Variants in NME8 observed in about 807,000 individuals in gnomAD.
The protein encoded by NME8 is protein NME8.
Under a neutral mutation model 82.3 loss-of-function variants are expected in NME8, and 72 were observed. The observed-to-expected ratio is 0.87, with a 90% CI of 0.72 to 1.06. The LOEUF (loss-of-function observed/expected upper bound fraction) is 1.06. NME8 is among the 50% of genes least tolerant of loss of function. The probability of loss-of-function intolerance (pLI) is 0.00; values close to 1 mark genes in which losing one functional copy is unlikely to be tolerated. For missense variants in NME8, 712 were observed against 685.4 expected (o/e 1.04, Z -0.43); for synonymous variants, 267 against 228.5 (o/e 1.17, Z -1.52).
chr7:37,887,115 T>C (rs1329041919), intron 14 of NME8, among the ~76,000 whole-genome samples: 1 of 152,006 alleles, frequency 6.6e-6, no homozygotes, highest in Non-Finnish European at 1.5e-5. Flanking sequence ...CATAGATAGA[T>C]AGAAAAACAG....
intron 12 of NME8, among the ~76,000 whole-genome samples, chr7:37,877,646 T>C (rs943028566): frequency 1.3e-5 from 2 of 152,222 alleles, no homozygotes; most frequent in African/African-American, 4.8e-5. Flanking sequence ...CATTTCTATG[T>C]AGACCAGGAT....
chr7:37,893,943 A>C lies in NME8; in HGVS notation c.1400-523A>C, dbSNP rs962805833. 5.9e-5 allele frequency among the ~76,000 whole-genome samples: 9 copies of C among 152,254 alleles called. No individual in the cohort carries two copies. The East Asian group carries it at 9.7e-4, about 16-fold the overall frequency. On this transcript the variant is annotated intron_variant, in intron 15 of 17. Coordinates refer to ENST00000199447, the MANE Select transcript of NME8 (RefSeq NM_016616.5). ...ATGTGCTTTTGATCTGGAGCAAAGAAGAGGCCGTTTTACCAGAAAGCTCCC... is the reference window on the plus strand; with the variant it reads ...ATGTGCTTTTGATCTGGAGCAAAGACGAGGCCGTTTTACCAGAAAGCTCCC...
intron 12 of NME8, among the ~76,000 whole-genome samples, chr7:37,882,602 A>AAAGG: frequency 1.1e-5 from 1 of 91,780 alleles, no homozygotes; most frequent in South Asian, 3.4e-4. Flanking sequence ...AAAGAAAGAG[A>AAAGG]GAGAGAGAGA....
intron 15 of NME8, among the ~76,000 whole-genome samples, chr7:37,891,533 C>A (rs1327723447): frequency 2.0e-5 from 3 of 151,724 alleles, no homozygotes; most frequent in Non-Finnish European, 4.4e-5. Flanking sequence ...TGTTATTTTT[C>A]ATTTACTGTT....
intron 6 of NME8, among the ~76,000 whole-genome samples, chr7:37,860,998 C>T (rs552781408): frequency 1.3e-5 from 2 of 152,250 alleles, no homozygotes; most frequent in Non-Finnish European, 2.9e-5. Flanking sequence ...TACCTCTTTC[C>T]ATCCTTTCCA....
intron 8 of NME8, among the ~76,000 whole-genome samples, chr7:37,863,817 A>G (rs1311466056): frequency 2.0e-5 from 3 of 152,174 alleles, no homozygotes; most frequent in African/African-American, 7.2e-5. Flanking sequence ...TTTACTTTGC[A>G]GTTAACAATT....
intron 8 of NME8, 80 bp from the exon 9 acceptor site, chr7:37,864,268 T>C (rs567461763): frequency 1.4e-5 from 21 of 1,483,222 alleles, no homozygotes; most frequent in African/African-American, 2.8e-5. Flanking sequence ...GAAATTTACA[T>C]TGCTAATTGC....
intron 14 of NME8, among the ~76,000 whole-genome samples, chr7:37,886,673 A>G (rs1785045422): frequency 6.6e-6 from 1 of 152,130 alleles, no homozygotes. Context: ...ACAGCATAAC[A>G]GGGGTTGGGA....
chr7:37,882,579 GAAAGAAAGAAAGAAAGAA>G (rs1562838061), intron 12 of NME8, among the ~76,000 whole-genome samples: 37 of 47,362 alleles, frequency 7.8e-4, no homozygotes, highest in East Asian at 1.0e-3. Context: ...AAGAAAGAAA[GAAAGAAAGAAAGAAAGAA>G]AGAGAGAGAG....
intron 6 of NME8, among the ~76,000 whole-genome samples, chr7:37,860,825 C>T (rs1398294803): frequency 3.3e-5 from 5 of 152,218 alleles, no homozygotes; most frequent in Admixed American, 2.0e-4. Context: ...CAGTCCCCTT[C>T]TATTGTCTCT....
At chr7:37,864,564 C>G in intron 9 of NME8, 143 bp downstream of exon 9, 1 of 817,158 alleles carries the variant, frequency 1.2e-6, no homozygotes, top group South Asian at 1.8e-5. Flanking sequence ...GCTTTGAGTA[C>G]TTTATGTCTT....
intron 11 of NME8, among the ~76,000 whole-genome samples, chr7:37,871,527 A>G (rs1259942155): frequency 6.6e-6 from 1 of 152,200 alleles, no homozygotes; most frequent in Non-Finnish European, 1.5e-5. Flanking sequence ...TAACTGGCAG[A>G]GTCTTCTCAT....
At chr7:37,861,919 G>A (rs1230852392) in intron 6 of NME8, 109 bp from the exon 7 acceptor site, 4 of 791,718 alleles carry the variant, frequency 5.1e-6, no homozygotes, top group Admixed American at 1.7e-5. Context: ...GAGGATTCAT[G>A]AGGATGAGAG....
chr7:37,862,194 T>C, intron 7 of NME8, 50 bp downstream of exon 7: 1 of 1,277,742 alleles, frequency 7.8e-7, no homozygotes, highest in Non-Finnish European at 1.1e-6. Flanking sequence ...TCATTTAGAG[T>C]GAAATAGAAC....
At chr7:37,898,588 A>G (rs1347091051) in intron 17 of NME8, among the ~76,000 whole-genome samples, 1 of 152,214 alleles carries the variant, frequency 6.6e-6, no homozygotes, top group Non-Finnish European at 1.5e-5. Flanking sequence ...AATCTCAAAA[A>G]AATTTTGCTA....
chr7:37,894,454 T>A lies in NME8; in HGVS notation c.1400-12T>A, dbSNP rs748098092. ...GCAATCTGCAATATTATCAAATATT[T>A]GTTTTTCTTAGAGCAGATCCTGAAG... is the stretch of plus-strand genomic sequence containing the variant. On this transcript the variant is annotated splice_polypyrimidine_tract_variant and intron_variant, in intron 15 of 17. Coordinates refer to ENST00000199447, the MANE Select transcript of NME8 (RefSeq NM_016616.5). 6.8e-6 allele frequency: 11 copies of A among 1,611,654 alleles called. No homozygotes were observed. In the South Asian group the frequency reaches 1.2e-4, roughly 18 times the overall value.
At position 37,850,318 on chromosome 7, in the gene NME8, C is replaced by T. The variant is rs372678302; in HGVS notation, c.33+19C>T. On this transcript the variant is annotated intron_variant, in intron 3 of 17. Coordinates refer to ENST00000199447, the MANE Select transcript of NME8 (RefSeq NM_016616.5). Reference sequence around the variant, plus strand: ...GTTACAGGTGGGTCTGACATATCAACAATTCTTTATCTGGTGCACTAGTGC... The same window carrying T: ...GTTACAGGTGGGTCTGACATATCAATAATTCTTTATCTGGTGCACTAGTGC... 5 of 1,613,922 alleles carry T rather than the reference C, an allele frequency of 3.1e-6. No homozygotes were observed. The highest frequency in any genetic ancestry group is 4.2e-6 in the Non-Finnish European group (5 of 1,179,892).
chr7:37,873,758 G>A (rs1294120538), intron 11 of NME8, among the ~76,000 whole-genome samples: 1 of 152,218 alleles, frequency 6.6e-6, no homozygotes, highest in Admixed American at 6.5e-5. Context: ...GAAAGGATAA[G>A]TAATGAATAT....
rs1289118876 is a variant in NME8 at position 37,888,351 on chromosome 7, A to G, written c.1322A>G (p.Glu441Gly). Reference sequence around the variant, plus strand: ...GGCAGCGATTCATTAGAAACCGCTGAAAGGGAAATACAGCATTTCTTTCCT... The same window carrying G: ...GGCAGCGATTCATTAGAAACCGCTGGAAGGGAAATACAGCATTTCTTTCCT... ...LYGSDSLETA[E>G]REIQHFFPLQ... Residue 441 changes from glutamate to glycine, a missense_variant, in exon 15 of 18, where the codon GAA becomes GGA. Physicochemically the swap from Glu to Gly is moderately conservative, Grantham distance 98. Coordinates refer to ENST00000199447, the MANE Select transcript of NME8 (RefSeq NM_016616.5). 1 of 1,613,484 alleles carries G rather than the reference A, an allele frequency of 6.2e-7. No individual in the cohort carries two copies. Among genetic ancestry groups the G allele is most frequent in the South Asian group, 1.1e-5 (1 of 91,080 alleles).
Sources: gnomAD v4.1 joint callset for allele counts (sites outside exome capture counted in the v4.1 genomes callset) on GRCh38, gnomAD v4.1.1 for gene constraint, MANE v1.5 for transcripts, NCBI Gene and HGNC (gene_info 2026-07-23, HGNC 2026-07-21) for gene names.